Variants in MYH16 observed in about 807,000 individuals in gnomAD.
MYH16 encodes myosin heavy chain 16.
exon 42 of MYH16, chr7:99,306,730 T>C (rs1792688023): frequency 6.5e-6 from 1 of 152,760 alleles, no homozygotes; most frequent in Non-Finnish European, 1.5e-5. Flanking sequence ...AGACACCGCG[T>C]GGCCGGCAAG....
intron 2 of MYH16, among the ~76,000 whole-genome samples, chr7:99,246,191 G>A (rs1791726589): frequency 6.9e-6 from 1 of 144,284 alleles, no homozygotes; most frequent in African/African-American, 2.6e-5. Context: ...GGGTGATAGA[G>A]CAAGGCTCTG....
chr7:99,246,990 T>C (rs4329214), intron 2 of MYH16, among the ~76,000 whole-genome samples: 149,061 of 152,266 alleles, frequency 0.98, 72,968 homozygotes, highest in East Asian at 1. Context: ...AAATCGACTT[T>C]CAATACGATA....
At chr7:99,276,020 G>A (rs890449696) in intron 20 of MYH16, among the ~76,000 whole-genome samples, 1 of 152,182 alleles carries the variant, frequency 6.6e-6, no homozygotes, top group African/African-American at 2.4e-5. Context: ...GAGCCACTGC[G>A]CCCGGCCTTT....
intron 14 of MYH16, chr7:99,264,218 A>C (rs181186321): frequency 6.5e-6 from 1 of 152,710 alleles, no homozygotes; most frequent in Admixed American, 6.5e-5. Context: ...CATACTGGGT[A>C]CTGATGTGAA....
intron 1 of MYH16, among the ~76,000 whole-genome samples, chr7:99,239,732 A>C (rs892627684): frequency 2.6e-4 from 39 of 152,214 alleles, no homozygotes; most frequent in African/African-American, 9.2e-4. Context: ...GTAGCTTGCT[A>C]TCAGCCGTGA....
chr7:99,299,772 G>A (rs1048510988), intron 37 of MYH16, 114 bp downstream of exon 18: 2 of 152,294 alleles, frequency 1.3e-5, no homozygotes, highest in African/African-American at 4.8e-5. Flanking sequence ...AAAGGCATAA[G>A]AGAATGTGGG....
chr7:99,293,740 G>T (rs962655039), intron 32 of MYH16, among the ~76,000 whole-genome samples: 2 of 152,158 alleles, frequency 1.3e-5, no homozygotes, highest in East Asian at 3.9e-4. Context: ...CAAACATTTC[G>T]TTTGTTAGGG....
At chr7:99,240,581 C>T (rs1259864295) in intron 1 of MYH16, among the ~76,000 whole-genome samples, 1 of 152,050 alleles carries the variant, frequency 6.6e-6, no homozygotes, top group East Asian at 1.9e-4. Flanking sequence ...CCAGACGCGG[C>T]AGCTCAAGCC....
At chr7:99,288,985 G>A (rs1792327614) in intron 29 of MYH16, among the ~76,000 whole-genome samples, 1 of 152,116 alleles carries the variant, frequency 6.6e-6, no homozygotes, top group Admixed American at 6.5e-5. Flanking sequence ...ATGGTGGCAT[G>A]CACCTGTGGT....
chr7:99,250,541 G>T (rs1396683325), intron 5 of MYH16, among the ~76,000 whole-genome samples: 3 of 152,158 alleles, frequency 2.0e-5, no homozygotes, highest in Non-Finnish European at 2.9e-5. Flanking sequence ...CTGAGTTCAA[G>T]ACCAACCTGG....
At position 99,294,578 on chromosome 7, in the gene MYH16, T is replaced by G. The variant is rs188010033; in HGVS notation, n.4282+428T>G. Among the ~76,000 whole-genome samples, 1,339 of 150,068 alleles carry G rather than the reference T, an allele frequency of 8.9e-3. 11 individuals are homozygous for G. Among genetic ancestry groups the G allele is most frequent in the Non-Finnish European group, 0.014 (915 of 67,614 alleles). On this transcript the variant is annotated intron_variant and non_coding_transcript_variant, in intron 33 of 41. Transcript: ENST00000439784. Reference sequence around the variant, plus strand: ...AAATATATATATATATTTTTTTTCTTTTTTGAGATGGAATTTGGCTCTTGT... The same window carrying G: ...AAATATATATATATATTTTTTTTCTGTTTTGAGATGGAATTTGGCTCTTGT...
intron 20 of MYH16, among the ~76,000 whole-genome samples, chr7:99,274,769 G>A (rs560629897): frequency 1.3e-5 from 2 of 150,742 alleles, no homozygotes; most frequent in Non-Finnish European, 2.9e-5. Flanking sequence ...CGCCTCCCGG[G>A]TTCAAGTTAT....
At chr7:99,298,249 T>G (rs1251736118) in intron 36 of MYH16, among the ~76,000 whole-genome samples, 1 of 151,974 alleles carries the variant, frequency 6.6e-6, no homozygotes, top group Non-Finnish European at 1.5e-5. Flanking sequence ...TTTTTTTTTT[T>G]TGAGACAGAA....
exon 26 of MYH16, chr7:99,284,850 A>T (rs2150823212): frequency 2.2e-6 from 1 of 456,626 alleles, no homozygotes; most frequent in Non-Finnish European, 4.4e-6. Context: ...TGCAGGAGGG[A>T]TTTGGAAATA....
At chr7:99,309,946 T>G (rs112980096), downstream of MYH16, among the ~76,000 whole-genome samples, 2,124 of 151,890 alleles carry the variant, frequency 0.014, 42 homozygotes, top group African/African-American at 0.049. Flanking sequence ...TGCTTGAACC[T>G]GTGAGGCAGA....
chr7:99,263,036 G>A (rs1295875458), intron 13 of MYH16, among the ~76,000 whole-genome samples: 1 of 152,202 alleles, frequency 6.6e-6, no homozygotes, highest in Non-Finnish European at 1.5e-5. Context: ...CAGCCCAGGA[G>A]AGAGTAGCAG....
chr7:99,269,881 T>C (rs1269790895), intron 18 of MYH16, among the ~76,000 whole-genome samples: 1 of 146,662 alleles, frequency 6.8e-6, no homozygotes, highest in African/African-American at 2.6e-5. Context: ...TTTTTTTTTT[T>C]TTTTTTTTTT....
chr7:99,259,895 C>T (rs1791921027), intron 11 of MYH16, among the ~76,000 whole-genome samples: 1 of 150,638 alleles, frequency 6.6e-6, no homozygotes, highest in South Asian at 2.1e-4. Context: ...GGGCTGAAGT[C>T]TGGTTGCCTG....
chr7:99,305,347 C>T lies in MYH16; in HGVS notation n.5435-489C>T, dbSNP rs7780315. Among the ~76,000 whole-genome samples the T allele has an allele frequency of 7.6e-3, 1,163 of 152,314 alleles. 13 individuals carry two copies. The highest frequency in any genetic ancestry group is 0.026 in the African/African-American group (1,081 of 41,564). On this transcript the variant is annotated intron_variant and non_coding_transcript_variant, in intron 40 of 41. Transcript: ENST00000439784. ...AGAATGTCCTTAGCCTCAAGCAGAG[C>T]AGTCCCCAATATTCTCCTTGCCTTT...
Sources: gnomAD v4.1 joint callset for allele counts (sites outside exome capture counted in the v4.1 genomes callset) on GRCh38, gnomAD v4.1.1 for gene constraint, MANE v1.5 for transcripts, NCBI Gene and HGNC (gene_info 2026-07-23, HGNC 2026-07-21) for gene names.